POM121: variants seen among roughly 807,000 people sequenced by gnomAD.
POM121 encodes nuclear envelope pore membrane protein POM 121.
Under a neutral mutation model 81.3 loss-of-function variants are expected in POM121, and 32 were observed. That is an observed-to-expected ratio of 0.39 (90% CI 0.30 to 0.53). The LOEUF (loss-of-function observed/expected upper bound fraction) is 0.53. POM121 is among the 20% of genes least tolerant of loss of function. POM121 has a pLI of 0.66. For synonymous variants in POM121, 514 were observed against 694.2 expected, an observed-to-expected ratio of 0.74 and a Z score of 4.08; for missense variants, 1,138 against 1,614.6, an observed-to-expected ratio of 0.70 and a Z score of 5.06.
At chr7:72,898,935 CTCTGTTTTATTTTGTGTT>C (rs1792259205) in intron 3 of POM121, among the ~76,000 whole-genome samples, 1 of 148,316 alleles carries the variant, frequency 6.7e-6, no homozygotes, top group Non-Finnish European at 1.5e-5. Flanking sequence ...AGAGGAGAGG[CTCTGTTTTATTTTGTGTT>C]TCTGTGTTTC....
At chr7:72,902,550 A>T in intron 3 of POM121, among the ~76,000 whole-genome samples, 1 of 128,880 alleles carries the variant, frequency 7.8e-6, no homozygotes, top group African/African-American at 3.0e-5. Flanking sequence ...TTTTTTTGAG[A>T]CAGGGTCTCA....
At chr7:72,931,457 C>CCAAATT (rs1357706689) in intron 5 of POM121, among the ~76,000 whole-genome samples, 1 of 151,994 alleles carries the variant, frequency 6.6e-6, no homozygotes, top group African/African-American at 2.4e-5. Context: ...TCATAATATT[C>CCAAATT]CAAATTCAAA....
Position 72,939,348 on chromosome 7 carries a change from G to A in POM121, c.1380G>A (p.Leu460=), listed in dbSNP as rs1303137763. ...TTTTTCCTGACAGAGAAGAGGAGCT[G>A]TGTCATCATTCCAGTTCTTCAACTC... ...RPAKKIREEE[L]CHHSSSSTPL... Residue 460 remains leucine (L), a synonymous_variant, in exon 7 of 13, where the codon CTG becomes CTA. Coordinates refer to ENST00000434423, the MANE Select transcript of POM121 (RefSeq NM_001387691.1). 6.8e-6 allele frequency: 11 copies of A among 1,613,814 alleles called. No individual in the cohort carries two copies. The Admixed American group carries it at 1.7e-4, about 24-fold the overall frequency.
At chr7:72,907,559 G>A (rs2129576006) in intron 3 of POM121, among the ~76,000 whole-genome samples, 1 of 151,154 alleles carries the variant, frequency 6.6e-6, no homozygotes, top group Non-Finnish European at 1.5e-5. Flanking sequence ...CGCCCAGGCT[G>A]GAGTGCACTG....
At chr7:72,930,821 G>A (rs116565427) in intron 5 of POM121, among the ~76,000 whole-genome samples, 27 of 152,218 alleles carry the variant, frequency 1.8e-4, no homozygotes, top group African/African-American at 6.3e-4. Context: ...GAGCAAGACT[G>A]TGTCTCAAAG....
chr7:72,934,769 A>G (rs1251168266), intron 5 of POM121, among the ~76,000 whole-genome samples: 3 of 152,074 alleles, frequency 2.0e-5, no homozygotes, highest in Admixed American at 2.0e-4. Flanking sequence ...TCTCTTAGCA[A>G]CATTTATTGA....
At chr7:72,885,608 T>TA (rs2129574510) in intron 1 of POM121, among the ~76,000 whole-genome samples, 1 of 148,626 alleles carries the variant, frequency 6.7e-6, no homozygotes, top group Admixed American at 6.8e-5. Flanking sequence ...TTTTGAGTAA[T>TA]ACATGCATGG....
chr7:72,948,709 A>G, downstream of POM121: 1 of 1,574,284 alleles, frequency 6.4e-7, no homozygotes, highest in Non-Finnish European at 8.7e-7. Flanking sequence ...CGAAGAAGCC[A>G]CCGCTAAGCG....
intron 1 of POM121, among the ~76,000 whole-genome samples, chr7:72,886,095 A>AT (rs1376091037): frequency 6.6e-6 from 1 of 152,010 alleles, no homozygotes; most frequent in Non-Finnish European, 1.5e-5. Context: ...TGTTCATTTT[A>AT]TTTTTACAGG....
At chr7:72,904,005 T>C (rs1554493071) in intron 3 of POM121, among the ~76,000 whole-genome samples, 1 of 152,212 alleles carries the variant, frequency 6.6e-6, no homozygotes, top group African/African-American at 2.4e-5. Flanking sequence ...GGTTTCACCA[T>C]GTTGGCCAGG....
upstream of POM121, chr7:72,924,857 C>T (rs374256377): frequency 4.2e-6 from 2 of 472,048 alleles, no homozygotes; most frequent in African/African-American, 4.1e-5. Context: ...AAGCATAGGT[C>T]TCGGGCCCTT....
At chr7:72,899,769 T>C (rs1792403108) in intron 3 of POM121, among the ~76,000 whole-genome samples, 1 of 151,826 alleles carries the variant, frequency 6.6e-6, no homozygotes, top group South Asian at 2.1e-4. Flanking sequence ...TTAGTAGAGA[T>C]GGGGTTTCAC....
intron 5 of POM121, among the ~76,000 whole-genome samples, chr7:72,930,647 G>A (rs1361357142): frequency 9.2e-5 from 14 of 152,190 alleles, no homozygotes; most frequent in Admixed American, 5.2e-4. Context: ...AGGGATTATC[G>A]CATAGTATAG....
At chr7:72,950,129 C>A (rs2129581600), downstream of POM121, 15 of 1,603,216 alleles carry the variant, frequency 9.4e-6, 1 homozygote, top group Non-Finnish European at 1.3e-5. Context: ...GCGGGAAACA[C>A]CAGCAGCTCC....
intron 4 of POM121, among the ~76,000 whole-genome samples, chr7:72,919,020 C>T (rs112906791): frequency 3.9e-5 from 6 of 151,958 alleles, no homozygotes; most frequent in South Asian, 2.1e-4. Flanking sequence ...AGGATGGTCT[C>T]GATCTCCTGA....
chr7:72,924,119 G>A (rs1373356315), upstream of POM121, among the ~76,000 whole-genome samples: 1 of 143,294 alleles, frequency 7.0e-6, no homozygotes, highest in Non-Finnish European at 1.5e-5. Flanking sequence ...TTTTTTTTTT[G>A]GTATTTTTAT....
At chr7:72,883,954 C>G (rs1235323318) in intron 1 of POM121, among the ~76,000 whole-genome samples, 1 of 152,136 alleles carries the variant, frequency 6.6e-6, no homozygotes, top group Non-Finnish European at 1.5e-5. Context: ...CTCACTCTGT[C>G]ACCCAGGCTG....
At chr7:72,890,630 C>T (rs1791214015) in exon 2 of POM121, 2 of 1,600,812 alleles carry the variant, frequency 1.2e-6, no homozygotes, top group Non-Finnish European at 8.5e-7. Flanking sequence ...ATTACAGGGG[C>T]CAGTGTCATT....
At chr7:72,892,103 A>G (rs1385310540) in intron 3 of POM121, among the ~76,000 whole-genome samples, 7 of 152,212 alleles carry the variant, frequency 4.6e-5, no homozygotes, top group Non-Finnish European at 8.8e-5. Context: ...TTCATAAGTG[A>G]ATGTCGGTTC....
Sources: allele counts gnomAD v4.1 joint callset (sites outside exome capture counted in the v4.1 genomes callset), GRCh38; gene constraint gnomAD v4.1.1; transcripts MANE v1.5; gene names NCBI Gene and HGNC (gene_info 2026-07-23, HGNC 2026-07-21).